Variants in MYLK3 observed in about 807,000 individuals in gnomAD.
MYLK3 encodes myosin light chain kinase 3.
Under a neutral mutation model 76.3 loss-of-function variants are expected in MYLK3, and 55 were observed. The observed-to-expected ratio is 0.72, with a 90% confidence interval of 0.58 to 0.90. MYLK3 has a LOEUF of 0.90. Among genes scored for constraint, MYLK3 ranks in the 40% least tolerant of loss-of-function variants. The pLI is 0.00. For synonymous variants in MYLK3, 416 were observed against 425.4 expected (o/e 0.98, Z 0.27); for missense variants, 973 against 1,053.6 (o/e 0.92, Z 1.06).
Position 46,727,231 on chromosome 16 carries a change from C to A in MYLK3, c.1914+5G>T, listed in dbSNP as rs1319680716. On this transcript the variant is annotated splice_donor_5th_base_variant and intron_variant, in intron 8 of 12. Transcript: ENST00000394809. Reference sequence around the variant, plus strand: ...CCCCTACCGCATGCCCAGGGCAGAACCCACCTTGAGGTCCAGGTGCAGGAT... The same window carrying A: ...CCCCTACCGCATGCCCAGGGCAGAAACCACCTTGAGGTCCAGGTGCAGGAT... The A allele has an allele frequency of 1.2e-6, 2 of 1,613,294 alleles. No homozygotes were observed. Among genetic ancestry groups the A allele is most frequent in the South Asian group, 2.2e-5 (2 of 91,038 alleles).
chr16:46,746,220 T>A (rs1967017971), intron 1 of MYLK3, among the ~76,000 whole-genome samples: 1 of 152,028 alleles, frequency 6.6e-6, no homozygotes, highest in South Asian at 2.1e-4. Flanking sequence ...CCTAATAAAA[T>A]GTAGATGCTA....
intron 10 of MYLK3, 109 bp downstream of exon 10, chr16:46,712,539 G>C: frequency 5.5e-6 from 6 of 1,081,532 alleles, no homozygotes; most frequent in Non-Finnish European, 7.4e-6. Flanking sequence ...GTTTCCTGGG[G>C]TTACCTCCCA....
intron 1 of MYLK3, 141 bp downstream of exon 1, chr16:46,747,576 T>C: frequency 1.2e-6 from 1 of 832,112 alleles, no homozygotes; most frequent in Non-Finnish European, 1.9e-6. Context: ...CCTGTAAGTT[T>C]CCAGCTCTCC....
chr16:46,749,540 TGTGTCC>T (rs1048791191), upstream of MYLK3, among the ~76,000 whole-genome samples: 1 of 152,192 alleles, frequency 6.6e-6, no homozygotes, highest in African/African-American at 2.4e-5. Flanking sequence ...GCGGATTGCT[TGTGTCC>T]AGGTGTTCGA....
In MYLK3 at chr16:46,706,280, C is replaced by T. The variant is rs1034437965; in HGVS notation, c.*1424G>A. ...GTGTGTTTGTGTGTGTGTATATATA[C>T]ATATACTGTATTCTTTTTTTTTTTT... On this transcript the variant is annotated 3_prime_UTR_variant, in exon 13 of 13. Transcript: ENST00000394809. 1 of 150,138 alleles carries T rather than the reference C, an allele frequency of 6.7e-6. No homozygotes were observed. The highest frequency in any genetic ancestry group is 1.5e-5 in the Non-Finnish European group (1 of 67,596). 9.3% of individuals were successfully genotyped at this position (150,138 alleles called of 1,614,324 possible). A position where few individuals can be genotyped will look rare whatever the true frequency, so the allele number is the denominator to read the frequency against.
intron 3 of MYLK3, among the ~76,000 whole-genome samples, chr16:46,735,362 T>A (rs1296836707): frequency 6.6e-6 from 1 of 152,060 alleles, no homozygotes; most frequent in Non-Finnish European, 1.5e-5. Context: ...CCCGCCACCA[T>A]GCCCAGCTAA....
intron 1 of MYLK3, among the ~76,000 whole-genome samples, chr16:46,753,745 T>C (rs1967160591): frequency 6.6e-6 from 1 of 151,904 alleles, no homozygotes; most frequent in South Asian, 2.1e-4. Context: ...ACCCTGTCTC[T>C]ACAAAAAAAA....
intron 3 of MYLK3, among the ~76,000 whole-genome samples, chr16:46,736,625 C>T (rs1261534669): frequency 5.3e-5 from 8 of 152,170 alleles, no homozygotes; most frequent in African/African-American, 1.7e-4. Context: ...CTCCATCCTG[C>T]GAGGCCTCCT....
exon 1 of MYLK3, chr16:46,763,223 C>T: frequency 1.0e-6 from 1 of 985,498 alleles, no homozygotes; most frequent in Non-Finnish European, 1.2e-6. Flanking sequence ...CTCTGGTCTC[C>T]CTTCCTCTGC....
chr16:46,723,349 A>G (rs1226902908), intron 8 of MYLK3, among the ~76,000 whole-genome samples: 2 of 152,174 alleles, frequency 1.3e-5, no homozygotes, highest in African/African-American at 2.4e-5. Context: ...ATAATATTCC[A>G]TTGTATGGAT....
Position 46,748,291 on chromosome 16 carries a change from C to A in MYLK3, c.-98G>T. On this transcript the variant is annotated 5_prime_UTR_variant, in exon 1 of 13. Transcript: ENST00000394809. This position sits in a 1 kb window ranked among gnomAD's most constrained non-coding sequence, Gnocchi z 4.3. The stretch of plus-strand genomic sequence containing the variant: ...GTGGTGTCTGCAAGGTCATTGTCCT[C>A]CGTAGCTGACAGACTCCTGGCAGCA... The A allele has an allele frequency of 6.8e-7, 1 of 1,465,042 alleles. No individual in the cohort carries two copies. Among genetic ancestry groups the A allele is most frequent in the Non-Finnish European group, 9.0e-7 (1 of 1,111,818 alleles). The allele number at this position is 1,465,042 out of a possible 1,614,324, so 90.8% of individuals were successfully genotyped here.
At position 46,738,094 on chromosome 16, in the gene MYLK3, G is replaced by T. The variant is rs79006800; in HGVS notation, c.618C>A (p.Pro206=). The T allele has an allele frequency of 1.3e-5, 21 of 1,591,334 alleles. No individual in the cohort carries two copies. The highest frequency in any genetic ancestry group is 2.2e-5 in the South Asian group (2 of 89,618). The change falls in exon 3 of 13, where the codon CCC becomes CCA. Residue 206 remains proline, a synonymous_variant. Transcript: ENST00000394809. ...VLEGTAERLP[P]IRASGLGADP... is the part of the protein sequence containing the mutation. ...CAGCTCCCAGCCCTGACGCTCTGAT[G>T]GGGGGCAGCCTCTCCGCTGTCCCCT...
chr16:46,718,596 T>C (rs1039755516), intron 9 of MYLK3, among the ~76,000 whole-genome samples: 3 of 152,230 alleles, frequency 2.0e-5, no homozygotes, highest in Admixed American at 1.3e-4. Flanking sequence ...GGGGCGATGC[T>C]GTGTTTCCTT....
rs375300510 is a variant in MYLK3 at position 46,707,782 on chromosome 16, T to G, written c.2401-19A>C. 65 of 1,592,530 alleles carry G rather than the reference T, an allele frequency of 4.1e-5. No homozygotes were observed. In the East Asian group the frequency reaches 1.3e-3, roughly 31 times the overall value. The stretch of plus-strand genomic sequence containing the variant: ...AATGTTTCTTGAGGCAAGGAGAGAA[T>G]AAAAGAAAAGAAAAAGCATGTATTT... On this transcript the variant is annotated intron_variant, in intron 12 of 12. Coordinates refer to ENST00000394809, the MANE Select transcript of MYLK3 (RefSeq NM_182493.3).
upstream of MYLK3, among the ~76,000 whole-genome samples, chr16:46,750,404 A>G (rs553887231): frequency 5.9e-5 from 9 of 152,344 alleles, no homozygotes; most frequent in Middle Eastern, 6.8e-3. Flanking sequence ...GGGTTAATAA[A>G]GCCGGAAAGG....
chr16:46,730,905 C>A (rs1057326237), intron 4 of MYLK3, among the ~76,000 whole-genome samples: 2 of 152,236 alleles, frequency 1.3e-5, no homozygotes, highest in Non-Finnish European at 2.9e-5. Flanking sequence ...AAACCCAGGT[C>A]TCCCGGCACC....
chr16:46,702,551 CT>C lies in MYLK3; in HGVS notation c.*5152del, dbSNP rs1257870045. Among the ~76,000 whole-genome samples the C allele has an allele frequency of 6.6e-6, 1 of 152,172 alleles. No individual in the cohort carries two copies. The highest frequency in any genetic ancestry group is 1.5e-5 in the Non-Finnish European group (1 of 68,038). On this transcript the variant is annotated 3_prime_UTR_variant, in exon 13 of 13. Transcript: ENST00000394809. ...CATAATCTAAATGTCTCAAAAATAT[CT>C]TTTTATTGCTTGCTCAAATCAGGGT...
intron 9 of MYLK3, among the ~76,000 whole-genome samples, chr16:46,714,842 C>T (rs1318139590): frequency 6.6e-6 from 1 of 152,228 alleles, no homozygotes; most frequent in Non-Finnish European, 1.5e-5. Flanking sequence ...TCAAGCCCAA[C>T]TGTGCCCAGT....
At chr16:46,728,538 T>C (rs1356555533) in intron 7 of MYLK3, among the ~76,000 whole-genome samples, 4 of 151,966 alleles carry the variant, frequency 2.6e-5, no homozygotes, top group Admixed American at 1.3e-4. Flanking sequence ...CTGGGCGACA[T>C]AGCAAGACCT....
Sources: allele counts gnomAD v4.1 joint callset (sites outside exome capture counted in the v4.1 genomes callset), GRCh38; gene constraint gnomAD v4.1.1; non-coding constraint Gnocchi (gnomAD v3.1); transcripts MANE v1.5; gene names NCBI Gene and HGNC (gene_info 2026-07-23, HGNC 2026-07-21).